Variants in PDE4D observed in about 807,000 individuals in gnomAD.
PDE4D encodes the protein 3',5'-cyclic-AMP phosphodiesterase 4D.
Under a neutral mutation model 87.4 loss-of-function variants are expected in PDE4D, and 24 were observed. That is an observed-to-expected ratio of 0.27 (90% CI 0.20 to 0.39). The LOEUF (loss-of-function observed/expected upper bound fraction) is 0.39, where lower values mean the gene tolerates loss of function less well. PDE4D is among the 10% of genes least tolerant of loss of function. The probability of loss-of-function intolerance (pLI) is 1.00; values close to 1 mark genes in which losing one functional copy is unlikely to be tolerated. For synonymous variants in PDE4D, 384 were observed against 383.2 expected (o/e 1.00, Z -0.02); for missense variants, 714 against 1,041.0 (o/e 0.69, Z 4.32).
chr5:60,265,301 C>T (rs1750080471), intron 1 of PDE4D, among the ~76,000 whole-genome samples: 1 of 152,176 alleles, frequency 6.6e-6, no homozygotes, highest in African/African-American at 2.4e-5. Flanking sequence ...TTTGAAGTAA[C>T]AGAAGGGCAA....
At position 59,843,446 on chromosome 5, in the gene PDE4D, C is replaced by G. The variant is rs572055882; in HGVS notation, c.455+49722G>C. Among the ~76,000 whole-genome samples the G allele has an allele frequency of 1.8e-4, 27 of 152,072 alleles. No individual in the cohort carries two copies. The South Asian group carries it at 4.6e-3, about 26-fold the overall frequency. ...ATCCATTCCCTACCCTACTCCCCCC[C>G]AGAAAAATCCTTTCACCTCCCAAAC... On this transcript the variant is annotated intron_variant, in intron 1 of 14. Coordinates refer to ENST00000340635, the MANE Select transcript of PDE4D (RefSeq NM_001104631.2).
intron 1 of PDE4D, among the ~76,000 whole-genome samples, chr5:59,789,265 T>C (rs1357578138): frequency 1.3e-5 from 2 of 152,206 alleles, no homozygotes; most frequent in African/African-American, 4.8e-5. Context: ...ACAAAAAATG[T>C]GCAATACAGA....
intron 1 of PDE4D, among the ~76,000 whole-genome samples, chr5:60,437,755 T>C (rs1245717639): frequency 6.6e-6 from 1 of 152,154 alleles, no homozygotes; most frequent in Non-Finnish European, 1.5e-5. Context: ...AGTGCTTCCA[T>C]GGTGAAAGTC....
chr5:59,141,260 A>G lies in PDE4D; in HGVS notation c.808+39335T>C, dbSNP rs1248212184. 3.9e-5 allele frequency among the ~76,000 whole-genome samples: 6 copies of G among 152,228 alleles called. 1 individual carries two copies. Among genetic ancestry groups the G allele is most frequent in the Admixed American group, 3.9e-4 (6 of 15,288 alleles). ...CACTGTCTAAGTCTTTCTGTTCTTT[A>G]TCTGTAGCCAAACCTACTTGCCCAA... On this transcript the variant is annotated intron_variant, in intron 5 of 14. Transcript: ENST00000340635.
chr5:59,007,811 T>C lies in PDE4D; in HGVS notation c.922-14346A>G, dbSNP rs1751935558. On this transcript the variant is annotated intron_variant, in intron 6 of 14. Coordinates refer to ENST00000340635, the MANE Select transcript of PDE4D (RefSeq NM_001104631.2). ...ATCATCTGAACAAGCTGAGAATCGT[T>C]CTCTAAATGATCTTATTTTAATTTT... Among the ~76,000 whole-genome samples, 4 of 152,004 alleles carry C rather than the reference T, an allele frequency of 2.6e-5. No individual in the cohort carries two copies. In the South Asian group the frequency reaches 8.3e-4, roughly 32 times the overall value.
intron 1 of PDE4D, among the ~76,000 whole-genome samples, chr5:60,258,673 C>T (rs1749343071): frequency 6.6e-6 from 1 of 151,560 alleles, no homozygotes; most frequent in Non-Finnish European, 1.5e-5. Flanking sequence ...AAGGCAAAAC[C>T]TCATAAGAAA....
chr5:60,143,183 C>T (rs1260961353), intron 2 of PDE4D, among the ~76,000 whole-genome samples: 1 of 152,078 alleles, frequency 6.6e-6, no homozygotes, highest in Non-Finnish European at 1.5e-5. Context: ...TTTATGTGAA[C>T]AAATAATGAA....
chr5:59,593,084 T>C (rs1447774366), intron 1 of PDE4D, among the ~76,000 whole-genome samples: 1 of 151,892 alleles, frequency 6.6e-6, no homozygotes, highest in East Asian at 1.9e-4. Flanking sequence ...TTTTGCAATT[T>C]ACTGGAATCA....
intron 1 of PDE4D, among the ~76,000 whole-genome samples, chr5:60,495,694 AG>A (rs1238842061): frequency 3.3e-5 from 5 of 152,212 alleles, no homozygotes; most frequent in Admixed American, 6.5e-5. Context: ...GCAAGCCAGG[AG>A]TTGTTTTAGT....
intron 1 of PDE4D, among the ~76,000 whole-genome samples, chr5:59,517,575 C>A (rs1417889260): frequency 6.6e-6 from 1 of 152,152 alleles, no homozygotes; most frequent in African/African-American, 2.4e-5. Context: ...TGCACTAACA[C>A]CCAGCTCAGA....
intron 1 of PDE4D, among the ~76,000 whole-genome samples, chr5:59,571,019 A>G (rs1346272648): frequency 3.9e-5 from 6 of 152,174 alleles, no homozygotes. Context: ...ACAAATAACT[A>G]CCGTTTCCAG....
chr5:59,940,281 A>T (rs966034714), intron 3 of PDE4D, among the ~76,000 whole-genome samples: 1 of 152,212 alleles, frequency 6.6e-6, no homozygotes, highest in Admixed American at 6.5e-5. Context: ...GGGGAGGCAC[A>T]TACCATGATT....
At chr5:60,003,141 C>A (rs1764161390) in intron 2 of PDE4D, among the ~76,000 whole-genome samples, 1 of 151,946 alleles carries the variant, frequency 6.6e-6, no homozygotes, top group Non-Finnish European at 1.5e-5. Flanking sequence ...TTAAGAAAAA[C>A]AATCCCATTT....
chr5:59,877,479 TAA>T (rs70975344), intron 1 of PDE4D, among the ~76,000 whole-genome samples: 26,880 of 102,380 alleles, frequency 0.26, 5,710 homozygotes, highest in African/African-American at 0.61. Context: ...TGCCAGAACC[TAA>T]AAAAAAAAAA....
At chr5:59,049,200 C>T (rs564469030) in intron 5 of PDE4D, among the ~76,000 whole-genome samples, 147 of 152,238 alleles carry the variant, frequency 9.7e-4, no homozygotes, top group Admixed American at 3.6e-3. Flanking sequence ...ATATTTGTGT[C>T]TAGGCCTTTC....
chr5:60,480,194 T>A (rs1437207197), intron 1 of PDE4D, among the ~76,000 whole-genome samples: 1 of 152,136 alleles, frequency 6.6e-6, no homozygotes, highest in Non-Finnish European at 1.5e-5. Flanking sequence ...GATACAGGGA[T>A]CCTTTTGTAA....
chr5:60,383,986 T>C lies in PDE4D; in HGVS notation c.-90+103956A>G, dbSNP rs1411251804. Among the ~76,000 whole-genome samples the C allele has an allele frequency of 3.9e-5, 6 of 152,192 alleles. No individual in the cohort carries two copies. In the East Asian group the frequency reaches 1.2e-3, roughly 29 times the overall value. ...CTGTAATAGCTAAGCAGTCTAACTC[T>C]ACAGACCAGATTCTTAACCACAAAT... On this transcript the variant is annotated intron_variant, in intron 1 of 16. Transcript: ENST00000502484.
intron 1 of PDE4D, among the ~76,000 whole-genome samples, chr5:60,453,570 C>T (rs913155838): frequency 6.6e-6 from 1 of 152,072 alleles, no homozygotes; most frequent in Non-Finnish European, 1.5e-5. Flanking sequence ...TCACAGTATA[C>T]TAATTTTAAT....
intron 1 of PDE4D, among the ~76,000 whole-genome samples, chr5:59,311,109 T>C (rs1410602911): frequency 6.6e-6 from 1 of 152,094 alleles, no homozygotes; most frequent in African/African-American, 2.4e-5. Context: ...TGAAGGCTGG[T>C]CCTGGAGGGA....
Sources: gnomAD v4.1 joint callset for allele counts (sites outside exome capture counted in the v4.1 genomes callset) on GRCh38, gnomAD v4.1.1 for gene constraint, MANE v1.5 for transcripts, NCBI Gene and HGNC (gene_info 2026-07-23, HGNC 2026-07-21) for gene names.